FAAH2: variants seen among roughly 807,000 people sequenced by gnomAD.
FAAH2 encodes fatty-acid amide hydrolase 2.
Under a neutral mutation model 36.9 loss-of-function variants are expected in FAAH2, and 60 were observed. The observed-to-expected ratio is 1.63, with a 90% CI of 1.32 to 2.02. FAAH2 has a LOEUF of 2.02. Ranked by LOEUF, FAAH2 falls within the 30% of genes most tolerant of loss-of-function variation. The pLI is 0.00. For missense variants in FAAH2, 689 were observed against 397.5 expected, an observed-to-expected ratio of 1.73 and a Z score of -6.23; for synonymous variants, 214 against 143.8, an observed-to-expected ratio of 1.49 and a Z score of -3.49.
chrX:57,263,609 C>T, the FAAH2 span, among the ~76,000 whole-genome samples: 1 of 111,481 alleles, frequency 9.0e-6, no homozygotes, highest in Non-Finnish European at 1.9e-5. Flanking sequence ...TAAATTATAA[C>T]ATTTATAAGT....
chrX:57,137,225 G>A, the FAAH2 span: 21 of 759,081 alleles, frequency 2.8e-5, no homozygotes, highest in South Asian at 6.5e-4. Context: ...GTCCACCGCC[G>A]GGGATCGCGG....
At chrX:57,334,088 G>A (rs900865804) in intron 4 of FAAH2, among the ~76,000 whole-genome samples, 2 of 110,667 alleles carry the variant, frequency 1.8e-5, no homozygotes, top group East Asian at 2.8e-4. Flanking sequence ...TGGCCAACAT[G>A]TTGAATCCCC....
At chrX:57,209,875 G>A in the FAAH2 span, among the ~76,000 whole-genome samples, 18 of 110,685 alleles carry the variant, frequency 1.6e-4, no homozygotes, top group South Asian at 3.9e-4. Context: ...TGGTATTGGC[G>A]AGTCCCCTCT....
the FAAH2 span, among the ~76,000 whole-genome samples, chrX:57,241,537 T>C: frequency 7.1e-5 from 8 of 112,010 alleles, no homozygotes; most frequent in East Asian, 2.2e-3. Context: ...ATTTGTAAAG[T>C]TCATTTTTAA....
chrX:57,251,579 A>ATCT, the FAAH2 span, among the ~76,000 whole-genome samples: 2 of 112,129 alleles, frequency 1.8e-5, no homozygotes, highest in African/African-American at 6.5e-5. Context: ...AGGTGACATG[A>ATCT]TCTTATATAC....
At chrX:57,153,074 T>A in the FAAH2 span, among the ~76,000 whole-genome samples, 3 of 112,112 alleles carry the variant, frequency 2.7e-5, no homozygotes, top group Non-Finnish European at 5.6e-5. Flanking sequence ...TATTTAGGAT[T>A]GTTATATTTC....
intron 5 of FAAH2, among the ~76,000 whole-genome samples, chrX:57,364,723 C>T (rs1481388268): frequency 9.1e-6 from 1 of 110,394 alleles, no homozygotes; most frequent in Non-Finnish European, 1.9e-5. Flanking sequence ...CAGGTTTTCC[C>T]TGTGTCCCAA....
chrX:57,268,772 A>T, the FAAH2 span, among the ~76,000 whole-genome samples: 1 of 111,960 alleles, frequency 8.9e-6, no homozygotes, highest in Non-Finnish European at 1.9e-5. Flanking sequence ...ACCATTACCC[A>T]CCACTACAAA....
intron 7 of FAAH2, among the ~76,000 whole-genome samples, chrX:57,387,412 G>A (rs752075296): frequency 1.8e-5 from 2 of 111,097 alleles, no homozygotes; most frequent in Non-Finnish European, 3.8e-5. Context: ...AAAATAGGAT[G>A]TACGATGAAA....
the FAAH2 span, among the ~76,000 whole-genome samples, chrX:57,257,637 C>T: frequency 2.1e-4 from 23 of 109,659 alleles, no homozygotes; most frequent in Non-Finnish European, 3.8e-4. Flanking sequence ...CACGTGTATA[C>T]CTATGTAAAA....
chrX:57,348,020 T>A (rs1302836923), intron 5 of FAAH2, among the ~76,000 whole-genome samples: 1 of 111,021 alleles, frequency 9.0e-6, no homozygotes, highest in African/African-American at 3.3e-5. Context: ...TAGGCCTTGG[T>A]GGAACATCCT....
intron 4 of FAAH2, among the ~76,000 whole-genome samples, chrX:57,337,030 A>AT (rs943364549): frequency 1.8e-5 from 2 of 110,660 alleles, no homozygotes; most frequent in African/African-American, 6.6e-5. Flanking sequence ...AAAAGAGAGA[A>AT]TTAAATAGAC....
the FAAH2 span, among the ~76,000 whole-genome samples, chrX:57,162,451 C>A: frequency 2.7e-5 from 3 of 111,856 alleles, no homozygotes; most frequent in South Asian, 3.7e-4. Context: ...TATCCTGCAG[C>A]GTGTTTTCCA....
At chrX:57,414,144 T>C (rs901419347) in intron 7 of FAAH2, among the ~76,000 whole-genome samples, 1 of 112,085 alleles carries the variant, frequency 8.9e-6, no homozygotes, top group African/African-American at 3.2e-5. Flanking sequence ...TATACAATCA[T>C]GTCATCTGCA....
chrX:57,345,788 C>A (rs970752085), intron 5 of FAAH2, among the ~76,000 whole-genome samples: 3 of 111,348 alleles, frequency 2.7e-5, no homozygotes, highest in Non-Finnish European at 5.7e-5. Context: ...CTTAACAGTG[C>A]ATTACCTGAA....
At chrX:57,313,922 C>A (rs910888982) in intron 3 of FAAH2, among the ~76,000 whole-genome samples, 2 of 110,995 alleles carry the variant, frequency 1.8e-5, no homozygotes, top group African/African-American at 6.5e-5. Flanking sequence ...AACTAAATGT[C>A]CCAATTAAAA....
chrX:57,265,914 C>T, the FAAH2 span, among the ~76,000 whole-genome samples: 1 of 111,634 alleles, frequency 9.0e-6, no homozygotes, highest in Admixed American at 9.4e-5. Context: ...CAACCAGGAT[C>T]TCCAGCTACT....
chrX:57,128,665 A>G, the FAAH2 span, among the ~76,000 whole-genome samples: 6 of 111,848 alleles, frequency 5.4e-5, no homozygotes, highest in Non-Finnish European at 1.1e-4. Context: ...AAAAAGGACC[A>G]ACAAATGCAA....
intron 7 of FAAH2, among the ~76,000 whole-genome samples, chrX:57,423,697 G>A (rs1290512659): frequency 1.8e-5 from 2 of 111,226 alleles, no homozygotes; most frequent in Admixed American, 1.9e-4. Flanking sequence ...TCTAACTCCT[G>A]TCTGGGCTGG....
Sources: allele counts gnomAD v4.1 joint callset (sites outside exome capture counted in the v4.1 genomes callset), GRCh38; gene constraint gnomAD v4.1.1; transcripts MANE v1.5; gene names NCBI Gene and HGNC (gene_info 2026-07-23, HGNC 2026-07-21).